DLG2: variants seen among roughly 807,000 people sequenced by gnomAD.
DLG2 encodes the protein disks large homolog 2.
DLG2 carries 45 observed loss-of-function variants against 132.5 expected under a neutral mutation model. That is an observed-to-expected ratio of 0.34 (90% CI 0.27 to 0.44). DLG2 has a LOEUF of 0.44. Among genes scored for constraint, DLG2 ranks in the 20% least tolerant of loss-of-function variants. The pLI is 1.00. For synonymous variants in DLG2, 424 were observed against 419.6 expected (o/e 1.01, Z -0.13); for missense variants, 1,045 against 1,196.9 (o/e 0.87, Z 1.87).
chr11:84,033,726 A>C (rs979694721), intron 11 of DLG2, among the ~76,000 whole-genome samples: 1 of 152,146 alleles, frequency 6.6e-6, no homozygotes, highest in Non-Finnish European at 1.5e-5. Flanking sequence ...GGAAAACTTC[A>C]GTGTCTTAGT....
intron 3 of DLG2, among the ~76,000 whole-genome samples, chr11:85,406,762 C>T (rs1159125082): frequency 1.3e-5 from 2 of 151,802 alleles, no homozygotes; most frequent in Non-Finnish European, 2.9e-5. Flanking sequence ...AAACAAAAAT[C>T]TCTGCTCCTG....
intron 18 of DLG2, among the ~76,000 whole-genome samples, chr11:83,781,983 C>T (rs1338488878): frequency 6.6e-6 from 1 of 152,022 alleles, no homozygotes; most frequent in Non-Finnish European, 1.5e-5. Flanking sequence ...AGTTGAGTTT[C>T]AGAACTTGAA....
intron 6 of DLG2, among the ~76,000 whole-genome samples, chr11:84,639,841 C>T (rs1203798353): frequency 1.3e-5 from 2 of 152,112 alleles, no homozygotes; most frequent in South Asian, 2.1e-4. Flanking sequence ...GGCTGCTCAG[C>T]ACACCTGTCT....
intron 3 of DLG2, among the ~76,000 whole-genome samples, chr11:85,571,467 G>A (rs1281086555): frequency 1.3e-5 from 2 of 152,070 alleles, no homozygotes; most frequent in Non-Finnish European, 2.9e-5. Context: ...AAACTCTTGT[G>A]TATGCTAGGA....
intron 16 of DLG2, among the ~76,000 whole-genome samples, chr11:83,848,385 A>T (rs1449704206): frequency 6.6e-6 from 1 of 152,154 alleles, no homozygotes; most frequent in Non-Finnish European, 1.5e-5. Flanking sequence ...CCACTAATTC[A>T]TATCTCTAGC....
rs1460908135 is a variant in DLG2 at position 83,906,255 on chromosome 11, TCTCACACACACA to T, written c.1496+24061_1496+24072del. On this transcript the variant is annotated intron_variant, in intron 15 of 27. Coordinates refer to ENST00000376104, the MANE Select transcript of DLG2 (RefSeq NM_001142699.3). ...ATGTCTCTCTCTCTCTCTCTCTCTC[TCTCACACACACA>T]CACACACACACACACACACACACAC... Among the ~76,000 whole-genome samples the T allele has an allele frequency of 5.8e-4, 56 of 96,950 alleles. 1 individual carries two copies. The South Asian group carries it at 0.011, about 20-fold the overall frequency. 63.6% of individuals were successfully genotyped at this position (96,950 alleles called of 152,430 possible).
intron 17 of DLG2, among the ~76,000 whole-genome samples, chr11:83,831,950 G>A (rs1407552366): frequency 9.2e-5 from 14 of 152,122 alleles, no homozygotes; most frequent in Admixed American, 1.3e-4. Flanking sequence ...AAGGGGGAAA[G>A]TGGCAATGAG....
intron 17 of DLG2, among the ~76,000 whole-genome samples, chr11:83,829,291 G>A (rs540706575): frequency 5.6e-4 from 85 of 151,140 alleles, no homozygotes; most frequent in African/African-American, 2.0e-3. Flanking sequence ...CTGCCTCCTG[G>A]GTTCAACCGA....
intron 7 of DLG2, among the ~76,000 whole-genome samples, chr11:84,370,175 C>A (rs1482762834): frequency 1.3e-5 from 2 of 152,118 alleles, no homozygotes; most frequent in Middle Eastern, 3.2e-3. Flanking sequence ...CATATACAAT[C>A]CATTCATAGA....
At chr11:84,518,525 A>G (rs1037793499) in intron 7 of DLG2, among the ~76,000 whole-genome samples, 2 of 152,050 alleles carry the variant, frequency 1.3e-5, no homozygotes, top group Admixed American at 6.6e-5. Flanking sequence ...AAAGCAAACA[A>G]ACTTCCTCAT....
rs368287555 is a variant in DLG2 at position 83,830,184 on chromosome 11, C to T, written c.1722+3430G>A. Among the ~76,000 whole-genome samples, 10 of 152,196 alleles carry T rather than the reference C, an allele frequency of 6.6e-5. No homozygotes were observed. The South Asian group carries it at 1.0e-3, about 16-fold the overall frequency. ...TATTTGCAAATGTTATACATAAAAA[C>T]GGATATGCTGTGTGAACTTCAAAGA... On this transcript the variant is annotated intron_variant, in intron 17 of 27. Coordinates refer to ENST00000376104, the MANE Select transcript of DLG2 (RefSeq NM_001142699.3).
chr11:84,580,763 C>T (rs1413206855), intron 6 of DLG2, among the ~76,000 whole-genome samples: 2 of 152,206 alleles, frequency 1.3e-5, no homozygotes, highest in African/African-American at 2.4e-5. Flanking sequence ...TTCATCCTTA[C>T]CCTACGCAAG....
At chr11:85,581,843 ATTG>A (rs1169397316) in intron 3 of DLG2, among the ~76,000 whole-genome samples, 2 of 152,100 alleles carry the variant, frequency 1.3e-5, no homozygotes, top group East Asian at 3.9e-4. Flanking sequence ...GTTTGTTTTT[ATTG>A]TCTCAATAAA....
At chr11:83,736,846 A>G (rs1235927386) in intron 18 of DLG2, among the ~76,000 whole-genome samples, 2 of 152,206 alleles carry the variant, frequency 1.3e-5, no homozygotes, top group African/African-American at 4.8e-5. Context: ...AAGTGATTCC[A>G]ATGAAACCTG....
chr11:85,162,005 T>G (rs1055203539), intron 4 of DLG2, among the ~76,000 whole-genome samples: 2 of 152,200 alleles, frequency 1.3e-5, no homozygotes, highest in African/African-American at 4.8e-5. Context: ...TACGTTCTGC[T>G]GGCCTAGAGG....
rs146636881 is a variant in DLG2, at chr11:83,497,468, G to C, written c.2194-13240C>G. Among the ~76,000 whole-genome samples the C allele has an allele frequency of 5.6e-3, 850 of 152,006 alleles. 11 individuals carry two copies. Among genetic ancestry groups the C allele is most frequent in the African/African-American group, 0.019 (801 of 41,430 alleles). On this transcript the variant is annotated intron_variant, in intron 21 of 27. Transcript: ENST00000376104. ...GAGAATTGCTTGAACCTGAGAGGCA[G>C]AGGATGCGGTGAGCCGAGATCACAC...
intron 6 of DLG2, among the ~76,000 whole-genome samples, chr11:84,980,511 T>C (rs954118313): frequency 2.2e-4 from 33 of 152,154 alleles, no homozygotes; most frequent in African/African-American, 7.5e-4. Flanking sequence ...AAGAAAGCTT[T>C]CATCACATCA....
At chr11:83,728,313 A>G (rs981537880) in intron 18 of DLG2, among the ~76,000 whole-genome samples, 1 of 152,222 alleles carries the variant, frequency 6.6e-6, no homozygotes, top group African/African-American at 2.4e-5. Flanking sequence ...AGTAAAGCAC[A>G]TGACACCTTC....
chr11:84,327,012 T>A (rs1305823320), intron 7 of DLG2, among the ~76,000 whole-genome samples: 1 of 152,102 alleles, frequency 6.6e-6, no homozygotes, highest in Non-Finnish European at 1.5e-5. Context: ...TTTATTACCA[T>A]TTTCCTGGAT....
Sources: gnomAD v4.1 joint callset for allele counts (sites outside exome capture counted in the v4.1 genomes callset) on GRCh38, gnomAD v4.1.1 for gene constraint, MANE v1.5 for transcripts, NCBI Gene and HGNC (gene_info 2026-07-23, HGNC 2026-07-21) for gene names.